The following DIP2A variants were observed in gnomAD, a reference collection of about 807,000 sequenced individuals.
DIP2A encodes the protein disco-interacting protein 2 homolog A.
DIP2A carries 85 observed loss-of-function variants against 177.4 expected under a neutral mutation model. The ratio of observed to expected loss-of-function variants is 0.48; its 90% confidence interval spans 0.40 to 0.57. DIP2A has a LOEUF of 0.57. Ranked by LOEUF, DIP2A falls within the 20% of genes least tolerant of loss-of-function variation. The pLI is 0.00. For missense variants in DIP2A, 1,791 were observed against 2,100.2 expected, an observed-to-expected ratio of 0.85 and a Z score of 2.88; for synonymous variants, 886 against 881.8, an observed-to-expected ratio of 1.00 and a Z score of -0.08.
intron 2 of DIP2A, among the ~76,000 whole-genome samples, chr21:46,489,189 A>G (rs747360960): frequency 2.6e-5 from 4 of 152,200 alleles, no homozygotes; most frequent in Admixed American, 1.3e-4. Context: ...TGATTTCTGT[A>G]GAGAGTGTTC....
chr21:46,503,196 G>A (rs928595017), intron 5 of DIP2A, among the ~76,000 whole-genome samples: 1 of 152,132 alleles, frequency 6.6e-6, no homozygotes, highest in East Asian at 1.9e-4. Flanking sequence ...GGTGGCACAT[G>A]CCTGTAATCC....
intron 5 of DIP2A, 45 bp from the exon 6 acceptor site, chr21:46,504,316 T>G: frequency 6.2e-7 from 1 of 1,609,100 alleles, no homozygotes; most frequent in Non-Finnish European, 8.5e-7. Flanking sequence ...AATACTCATT[T>G]GACTTAACAG....
rs1183122688 is a variant in DIP2A at position 46,539,952 on chromosome 21, G to C, written c.1997G>C (p.Cys666Ser). 6.2e-7 allele frequency: 1 copy of C among 1,614,040 alleles called. No homozygotes were observed. Among genetic ancestry groups the C allele is most frequent in the Admixed American group, 1.7e-5 (1 of 60,026 alleles). ...CTGAGGCCAGAGGTCATCTGTCCTTGTGCAAGTTCTCCTGAGGCGCTGACT... is the reference window on the plus strand; with the variant it reads ...CTGAGGCCAGAGGTCATCTGTCCTTCTGCAAGTTCTCCTGAGGCGCTGACT... The part of the protein sequence containing the change: ...RGLRPEVICP[C>S]ASSPEALTVA... The change falls in exon 17 of 38, where the codon TGT becomes TCT. Residue 666 changes from cysteine (C) to serine (S), a missense_variant. Transcript: ENST00000417564.
At chr21:46,464,181 G>A (rs1365426347) in intron 1 of DIP2A, among the ~76,000 whole-genome samples, 1 of 151,456 alleles carries the variant, frequency 6.6e-6, no homozygotes. Flanking sequence ...ATCACCTGAG[G>A]TTAGGAGTTC....
downstream of DIP2A, among the ~76,000 whole-genome samples, chr21:46,574,541 A>C (rs758542983): frequency 6.6e-6 from 1 of 152,176 alleles, no homozygotes; most frequent in Non-Finnish European, 1.5e-5. Context: ...GGTTTCTTTG[A>C]AAAGATCAAC....
At position 46,503,348 on chromosome 21, in the gene DIP2A, CTTGA is replaced by C. The variant is rs1226831641; in HGVS notation, c.656-1009_656-1006del. On this transcript the variant is annotated intron_variant, in intron 5 of 37. Transcript: ENST00000417564. The stretch of plus-strand genomic sequence containing the variant: ...CTCAAAAAAAAAAAAAAAAAAGGAA[CTTGA>C]TTGTGGTCTCTTAGTTTTGCAGCTG... Among the ~76,000 whole-genome samples, 197 of 145,778 alleles carry C rather than the reference CTTGA, an allele frequency of 1.4e-3. 3 individuals carry two copies. The Middle Eastern group carries it at 0.015, about 11-fold the overall frequency.
chr21:46,552,399 A>C (rs1378062675), intron 25 of DIP2A, among the ~76,000 whole-genome samples: 1 of 152,178 alleles, frequency 6.6e-6, no homozygotes, highest in Non-Finnish European at 1.5e-5. Flanking sequence ...TGTTGTGTGC[A>C]TTCCACTGTG....
chr21:46,581,224 C>G, the DIP2A span, among the ~76,000 whole-genome samples: 175 of 152,234 alleles, frequency 1.1e-3, 1 homozygote, highest in Non-Finnish European at 1.9e-3. Flanking sequence ...CTTTGTTCCA[C>G]TTGGTCTATT....
chr21:46,483,559 G>T (rs1182583051), intron 1 of DIP2A, among the ~76,000 whole-genome samples: 1 of 152,214 alleles, frequency 6.6e-6, no homozygotes, highest in Non-Finnish European at 1.5e-5. Context: ...TGGCCCACAG[G>T]CCGTGGCTCA....
At chr21:46,522,057 A>G (rs1026446213) in intron 8 of DIP2A, among the ~76,000 whole-genome samples, 1 of 152,208 alleles carries the variant, frequency 6.6e-6, no homozygotes, top group Non-Finnish European at 1.5e-5. Flanking sequence ...CATTTAGCAA[A>G]CCTAATATCT....
chr21:46,511,947 A>G (rs987259772), intron 8 of DIP2A, among the ~76,000 whole-genome samples: 4 of 152,026 alleles, frequency 2.6e-5, no homozygotes, highest in Non-Finnish European at 5.9e-5. Context: ...GTTCCATACT[A>G]TGTTTTTTTT....
intron 1 of DIP2A, among the ~76,000 whole-genome samples, chr21:46,473,891 A>G (rs1568919358): frequency 6.6e-6 from 1 of 152,178 alleles, no homozygotes; most frequent in Non-Finnish European, 1.5e-5. Flanking sequence ...CCACCTTTTT[A>G]AAAAATGTAT....
chr21:46,556,097 T>G lies in DIP2A; in HGVS notation c.3498+6T>G, dbSNP rs199549679. On this transcript the variant is annotated splice_donor_region_variant and intron_variant, in intron 29 of 37. Coordinates refer to ENST00000417564, the MANE Select transcript of DIP2A (RefSeq NM_015151.4). The surrounding 1 kb of genome is among the most constrained non-coding windows in gnomAD (Gnocchi z 4.5). ...GGATATTAGCGGGAGTGAAGGTAGG[T>G]CCTCTGAAATCTTGTTTGCTTCAGC... The G allele has an allele frequency of 6.2e-7, 1 of 1,609,458 alleles. No individual in the cohort carries two copies. The highest frequency in any genetic ancestry group is 1.7e-5 in the Admixed American group (1 of 60,000).
Position 46,549,824 on chromosome 21 carries a change from C to T in DIP2A, c.2576C>T (p.Ala859Val). Residue 859 changes from alanine (A) to valine (V), a missense_variant, in exon 22 of 38, where the codon GCT becomes GTT. Physicochemically the swap from Ala to Val is moderately conservative, Grantham distance 64. Transcript: ENST00000417564. ...CACGACGACCGGATTGTCCTGGTGG[C>T]TGAGCAGCGGCCGGATGCCTCGGAG... ...VLHDDRIVLV[A>V]EQRPDASEED... is the part of the protein sequence containing the mutation. 1 of 1,613,490 alleles carries T rather than the reference C, an allele frequency of 6.2e-7. No individual in the cohort carries two copies. Among genetic ancestry groups the T allele is most frequent in the Non-Finnish European group, 8.5e-7 (1 of 1,180,016 alleles).
At chr21:46,580,226 T>C in the DIP2A span, among the ~76,000 whole-genome samples, 1 of 152,236 alleles carries the variant, frequency 6.6e-6, no homozygotes, top group Non-Finnish European at 1.5e-5. Context: ...TTTTAATCTT[T>C]GTTGGTTGAA....
chr21:46,500,365 A>T (rs2057583163), intron 5 of DIP2A, among the ~76,000 whole-genome samples: 1 of 152,206 alleles, frequency 6.6e-6, no homozygotes, highest in African/African-American at 2.4e-5. Flanking sequence ...TGGGTGTTCC[A>T]TGGCCAGAGG....
At chr21:46,582,939 G>GA in the DIP2A span, among the ~76,000 whole-genome samples, 1 of 152,124 alleles carries the variant, frequency 6.6e-6, no homozygotes, top group African/African-American at 2.4e-5. Context: ...GAGATTGTCA[G>GA]AAAACCTGTG....
intron 8 of DIP2A, among the ~76,000 whole-genome samples, chr21:46,527,002 A>G (rs2059122744): frequency 6.6e-6 from 1 of 152,168 alleles, no homozygotes; most frequent in South Asian, 2.1e-4. Context: ...ACATTAAGGA[A>G]GTATGTTTCC....
At chr21:46,506,744 C>CTTTCTTTTCT (rs1568994384) in intron 6 of DIP2A, among the ~76,000 whole-genome samples, 3 of 71,794 alleles carry the variant, frequency 4.2e-5, no homozygotes, top group Non-Finnish European at 6.7e-5. Flanking sequence ...TTCTTTCTTT[C>CTTTCTTTTCT]TTTCTTTCTT....
Sources: gnomAD v4.1 joint callset for allele counts (sites outside exome capture counted in the v4.1 genomes callset) on GRCh38, gnomAD v4.1.1 for gene constraint, Gnocchi (gnomAD v3.1) non-coding constraint, MANE v1.5 for transcripts, NCBI Gene and HGNC (gene_info 2026-07-23, HGNC 2026-07-21) for gene names.